The following DLGAP2 variants were observed in gnomAD, a reference collection of about 807,000 sequenced individuals.
The protein encoded by DLGAP2 is disks large-associated protein 2.
In DLGAP2, 26 loss-of-function variants were observed where a neutral mutation model predicts 100.3. The observed-to-expected ratio is 0.26, with a 90% CI of 0.19 to 0.36. The LOEUF (loss-of-function observed/expected upper bound fraction) is 0.36, where lower values mean the gene tolerates loss of function less well. Among genes scored for constraint, DLGAP2 ranks in the 10% least tolerant of loss-of-function variants. The probability of loss-of-function intolerance (pLI) is 1.00; values close to 1 mark genes in which losing one functional copy is unlikely to be tolerated. For missense variants in DLGAP2, 1,858 were observed against 1,453.2 expected, an observed-to-expected ratio of 1.28 and a Z score of -4.53; for synonymous variants, 886 against 630.1, an observed-to-expected ratio of 1.41 and a Z score of -6.08.
chr8:920,166 C>T (rs759813908), intron 2 of DLGAP2, among the ~76,000 whole-genome samples: 6 of 152,230 alleles, frequency 3.9e-5, no homozygotes, highest in East Asian at 1.9e-4. Context: ...GCTGTGACCA[C>T]GCATGTCATC....
At chr8:1,466,163 C>G (rs1050576634) in intron 3 of DLGAP2, among the ~76,000 whole-genome samples, 5 of 152,048 alleles carry the variant, frequency 3.3e-5, no homozygotes, top group African/African-American at 7.3e-5. Context: ...TGCTCTTGAC[C>G]CACATGGAGA....
In DLGAP2 at chr8:1,549,475, A is replaced by G. The variant is rs368015065; in HGVS notation, c.1022A>G (p.Lys341Arg). 28 of 1,613,504 alleles carry G rather than the reference A, an allele frequency of 1.7e-5. No individual in the cohort carries two copies. The African/African-American group carries it at 2.8e-4, about 16-fold the overall frequency. ...AGCCCCTTCGGGGACCTGTCCCTCAAGACCTCCAAGAGCAACAACGACGTC... is the reference window on the plus strand; with the variant it reads ...AGCCCCTTCGGGGACCTGTCCCTCAGGACCTCCAAGAGCAACAACGACGTC... ...LQSPFGDLSL[K>R]TSKSNNDVKC... The change falls in exon 5 of 15, where the codon AAG (lysine) becomes AGG (arginine). Residue 341 changes from lysine to arginine, a missense_variant. By Grantham distance (26) the Lys-to-Arg change is conservative. Transcript: ENST00000637795.
intron 3 of DLGAP2, among the ~76,000 whole-genome samples, chr8:1,330,922 G>T (rs908625402): frequency 2.0e-5 from 3 of 149,068 alleles, no homozygotes; most frequent in Non-Finnish European, 3.0e-5. Flanking sequence ...ACTTCATGGG[G>T]ACTGAGTTCT....
intron 2 of DLGAP2, among the ~76,000 whole-genome samples, chr8:1,203,925 GC>G (rs869261095): frequency 4.1e-5 from 4 of 97,148 alleles, no homozygotes; most frequent in Non-Finnish European, 3.6e-5. Context: ...CTGTGAGCCT[GC>G]CCCTGGGTGT....
Position 1,258,891 on chromosome 8 carries a change from C to G in DLGAP2, c.106+8C>G. ...TCTGCGGGGAGCCGGAAGGTGAGTA[C>G]CTGACATGCTGCCTGGGGTGGGCGG... On this transcript the variant is annotated splice_region_variant and intron_variant, in intron 3 of 14. Transcript: ENST00000637795. The G allele has an allele frequency of 1.6e-6, 2 of 1,231,796 alleles. No individual in the cohort carries two copies. The highest frequency in any genetic ancestry group is 2.0e-6 in the Non-Finnish European group (2 of 988,020). 76.3% of individuals were successfully genotyped at this position (1,231,796 alleles called of 1,614,324 possible). A position where few individuals can be genotyped will look rare whatever the true frequency, so the allele number is the denominator to read the frequency against.
intron 8 of DLGAP2, among the ~76,000 whole-genome samples, chr8:1,641,698 A>C (rs1324033692): frequency 2.0e-5 from 3 of 152,138 alleles, no homozygotes; most frequent in African/African-American, 7.2e-5. Flanking sequence ...TAAGAGTAAC[A>C]GTTACTGTAA....
At chr8:834,153 T>G (rs1796830612) in intron 1 of DLGAP2, among the ~76,000 whole-genome samples, 2 of 152,184 alleles carry the variant, frequency 1.3e-5, no homozygotes, top group Non-Finnish European at 2.9e-5. Flanking sequence ...GCGATCCTAT[T>G]CAGTCATTTT....
intron 3 of DLGAP2, among the ~76,000 whole-genome samples, chr8:1,362,961 A>C (rs1196012802): frequency 6.6e-6 from 1 of 151,746 alleles, no homozygotes. Flanking sequence ...CCCTCAGGGG[A>C]TTTGAGGGCC....
intron 8 of DLGAP2, among the ~76,000 whole-genome samples, chr8:1,656,111 G>A (rs933238277): frequency 2.6e-5 from 4 of 152,184 alleles, no homozygotes; most frequent in African/African-American, 9.7e-5. Flanking sequence ...ATCACCTGAG[G>A]TTGGGAGTTT....
chr8:1,601,086 C>T (rs997086755), intron 6 of DLGAP2, among the ~76,000 whole-genome samples: 3 of 152,062 alleles, frequency 2.0e-5, no homozygotes, highest in Non-Finnish European at 4.4e-5. Flanking sequence ...GATGTTGATG[C>T]TATTACTTTC....
In DLGAP2 at chr8:1,316,324, G is replaced by A. The variant is rs1392228474; in HGVS notation, c.106+57441G>A. ...GTCTACACTCGAGAAACTTGGCAGC[G>A]TTTAAAAATAGAGCCTGTGCGAGTG... On this transcript the variant is annotated intron_variant, in intron 3 of 14. Transcript: ENST00000637795. Among the ~76,000 whole-genome samples the A allele has an allele frequency of 1.5e-4, 16 of 107,904 alleles. 2 individuals carry two copies. The East Asian group carries it at 1.5e-3, about 10-fold the overall frequency. The allele number at this position is 107,904 out of a possible 152,430, so 70.8% of individuals were successfully genotyped here.
At chr8:1,187,178 A>C (rs1585133084) in intron 2 of DLGAP2, among the ~76,000 whole-genome samples, 1 of 152,332 alleles carries the variant, frequency 6.6e-6, no homozygotes, top group East Asian at 1.9e-4. Flanking sequence ...AATAGTCACA[A>C]CACCTGGGAC....
At chr8:941,766 A>G (rs1286324578) in intron 2 of DLGAP2, among the ~76,000 whole-genome samples, 1 of 152,190 alleles carries the variant, frequency 6.6e-6, no homozygotes, top group Non-Finnish European at 1.5e-5. Context: ...GCAAGCATAT[A>G]ATATTTTACA....
intron 2 of DLGAP2, among the ~76,000 whole-genome samples, chr8:1,182,434 C>T (rs757695552): frequency 4.6e-5 from 7 of 152,204 alleles, no homozygotes; most frequent in African/African-American, 9.6e-5. Flanking sequence ...AATGCTCACA[C>T]GTGTGATGTC....
intron 3 of DLGAP2, among the ~76,000 whole-genome samples, chr8:1,466,699 C>G (rs1040528693): frequency 2.0e-5 from 3 of 152,114 alleles, no homozygotes; most frequent in African/African-American, 7.2e-5. Flanking sequence ...CTGTTAGATA[C>G]AGAGGCTGTG....
intron 3 of DLGAP2, among the ~76,000 whole-genome samples, chr8:1,486,271 C>A (rs1338494429): frequency 1.3e-5 from 2 of 152,158 alleles, no homozygotes; most frequent in Non-Finnish European, 2.9e-5. Flanking sequence ...CATATTACGG[C>A]AGATGGAAAG....
intron 2 of DLGAP2, among the ~76,000 whole-genome samples, chr8:1,212,987 G>C (rs1310117925): frequency 2.0e-5 from 3 of 151,882 alleles, no homozygotes; most frequent in Non-Finnish European, 4.4e-5. Flanking sequence ...TGCCATTGTT[G>C]CTCTTACGGC....
At chr8:1,601,952 G>A (rs1009168531) in intron 6 of DLGAP2, among the ~76,000 whole-genome samples, 9 of 150,758 alleles carry the variant, frequency 6.0e-5, no homozygotes, top group African/African-American at 9.7e-5. Context: ...CAGGGTGTGT[G>A]TGTGTGTGTG....
intron 1 of DLGAP2, among the ~76,000 whole-genome samples, chr8:848,900 GCC>G (rs1797123828): frequency 7.3e-6 from 1 of 137,606 alleles, no homozygotes; most frequent in African/African-American, 2.5e-5. Flanking sequence ...AACGCGCGGT[GCC>G]TGTTCCAGCA....
Sources: allele counts gnomAD v4.1 joint callset (sites outside exome capture counted in the v4.1 genomes callset), GRCh38; gene constraint gnomAD v4.1.1; transcripts MANE v1.5; gene names NCBI Gene and HGNC (gene_info 2026-07-23, HGNC 2026-07-21).